The following EYS variants were observed in gnomAD, a reference collection of about 807,000 sequenced individuals.
EYS encodes protein eyes shut homolog.
Under a neutral mutation model 282.1 loss-of-function variants are expected in EYS, and 250 were observed. That is an observed-to-expected ratio of 0.89 (90% CI 0.80 to 0.98). The LOEUF (loss-of-function observed/expected upper bound fraction) is 0.98, where lower values mean the gene tolerates loss of function less well. Among genes scored for constraint, EYS ranks in the 50% least tolerant of loss-of-function variants. The pLI is 0.00. For synonymous variants in EYS, 1,355 were observed against 1,282.9 expected (o/e 1.06, Z -1.20); for missense variants, 4,016 against 3,709.0 (o/e 1.08, Z -2.15).
At chr6:64,415,521 C>G (rs117720772) in intron 28 of EYS, among the ~76,000 whole-genome samples, 1 of 152,314 alleles carries the variant, frequency 6.6e-6, no homozygotes, top group East Asian at 1.9e-4. Context: ...GAACATCAAG[C>G]ATGCTCTGCC....
chr6:64,385,859 T>C (rs187492585), intron 29 of EYS, among the ~76,000 whole-genome samples: 15 of 152,348 alleles, frequency 9.8e-5, no homozygotes, highest in Non-Finnish European at 2.2e-4. Context: ...CAACAGATGC[T>C]TCTTTTTCCA....
chr6:65,660,268 T>C (rs970093333), intron 1 of EYS, among the ~76,000 whole-genome samples: 2 of 151,804 alleles, frequency 1.3e-5, no homozygotes, highest in African/African-American at 4.8e-5. Flanking sequence ...GTTTTAAGTA[T>C]GAATCCATAA....
chr6:65,504,426 G>C (rs917134990), intron 2 of EYS, among the ~76,000 whole-genome samples: 1 of 151,540 alleles, frequency 6.6e-6, no homozygotes, highest in Non-Finnish European at 1.5e-5. Context: ...GTACTAGCTA[G>C]AATTTCCTAG....
intron 8 of EYS, among the ~76,000 whole-genome samples, chr6:65,367,827 A>G (rs1391397678): frequency 3.3e-5 from 5 of 151,748 alleles, no homozygotes; most frequent in South Asian, 2.1e-4. Flanking sequence ...TGGATTTATA[A>G]AGTACTTCTC....
At chr6:64,706,586 C>G (rs984034120) in intron 22 of EYS, among the ~76,000 whole-genome samples, 1 of 151,884 alleles carries the variant, frequency 6.6e-6, no homozygotes, top group African/African-American at 2.4e-5. Context: ...AATATTCAGA[C>G]TCTACAAGCA....
At chr6:63,753,893 T>C (rs973796395) in intron 41 of EYS, among the ~76,000 whole-genome samples, 4 of 152,208 alleles carry the variant, frequency 2.6e-5, no homozygotes, top group Non-Finnish European at 4.4e-5. Context: ...TCTGAAGTGG[T>C]TCTCACCTTA....
At chr6:64,948,607 A>T (rs1007841731) in intron 14 of EYS, among the ~76,000 whole-genome samples, 3 of 147,158 alleles carry the variant, frequency 2.0e-5, no homozygotes, top group African/African-American at 4.9e-5. Flanking sequence ...ATATTAAATA[A>T]TATTAAATAA....
intron 26 of EYS, among the ~76,000 whole-genome samples, chr6:64,518,786 C>CCCG (rs201101605): frequency 4.0e-5 from 6 of 150,628 alleles, no homozygotes; most frequent in East Asian, 4.0e-4. Context: ...AGGGGCCCCC[C>CCCG]CCTTCTCAGG....
intron 14 of EYS, among the ~76,000 whole-genome samples, chr6:64,946,509 AAC>A (rs1769293197): frequency 6.6e-6 from 1 of 152,002 alleles, no homozygotes; most frequent in South Asian, 2.1e-4. Flanking sequence ...AAACAAAAGA[AAC>A]ACTTTAAATT....
rs141682406 is a variant in EYS at position 64,803,480 on chromosome 6, A to T, written c.3443+9898T>A. On this transcript the variant is annotated intron_variant, in intron 22 of 42. Transcript: ENST00000503581. The stretch of plus-strand genomic sequence containing the variant: ...CCATGAGTTCTAAATCCCAAAGTAG[A>T]CTCCACCTGGAACTGACAGCCTGGC... Among the ~76,000 whole-genome samples, 489 of 151,362 alleles carry T rather than the reference A, an allele frequency of 3.2e-3. 3 individuals carry two copies. The highest frequency in any genetic ancestry group is 0.011 in the African/African-American group (455 of 41,242).
At chr6:65,049,623 A>G (rs187796424) in intron 13 of EYS, among the ~76,000 whole-genome samples, 65 of 151,810 alleles carry the variant, frequency 4.3e-4, no homozygotes, top group Middle Eastern at 3.4e-3. Flanking sequence ...TTTAGAAAAC[A>G]ATAGCGTTGT....
intron 13 of EYS, among the ~76,000 whole-genome samples, chr6:65,052,941 A>G (rs937343596): frequency 5.3e-5 from 8 of 151,764 alleles, no homozygotes; most frequent in Non-Finnish European, 1.0e-4. Context: ...AAAATGAAGA[A>G]AAAAGATTCT....
intron 1 of EYS, among the ~76,000 whole-genome samples, chr6:65,641,199 G>T (rs1393057936): frequency 6.6e-6 from 1 of 152,192 alleles, no homozygotes; most frequent in African/African-American, 2.4e-5. Flanking sequence ...ACCTCTGTTG[G>T]TTGTTTTGGT....
At chr6:64,483,934 C>CTTTT (rs1364027811) in intron 26 of EYS, among the ~76,000 whole-genome samples, 1 of 151,578 alleles carries the variant, frequency 6.6e-6, no homozygotes, top group Non-Finnish European at 1.5e-5. Context: ...TTTTCAGAGG[C>CTTTT]TTTTTACGAA....
intron 1 of EYS, among the ~76,000 whole-genome samples, chr6:65,673,511 C>T (rs1213579039): frequency 1.3e-5 from 2 of 152,068 alleles, no homozygotes; most frequent in East Asian, 1.9e-4. Flanking sequence ...AGGACATACA[C>T]TTAGAGAGTG....
At chr6:63,908,526 C>T (rs1450357312) in intron 35 of EYS, among the ~76,000 whole-genome samples, 1 of 152,090 alleles carries the variant, frequency 6.6e-6, no homozygotes, top group Non-Finnish European at 1.5e-5. Flanking sequence ...TCTTGGCTCA[C>T]TGCAACCTCC....
chr6:65,112,100 C>G (rs713212), intron 12 of EYS, among the ~76,000 whole-genome samples: 29,385 of 152,002 alleles, frequency 0.19, 3,374 homozygotes, highest in South Asian at 0.27. Context: ...AACTTGCTTT[C>G]CATCATAGCA....
intron 29 of EYS, among the ~76,000 whole-genome samples, chr6:64,376,421 AAAT>A (rs1772562284): frequency 6.6e-6 from 1 of 152,228 alleles, no homozygotes; most frequent in Non-Finnish European, 1.5e-5. Context: ...GACTGGGGAA[AAAT>A]CAGTGTTAGC....
chr6:65,536,866 C>A (rs564233011), intron 2 of EYS, among the ~76,000 whole-genome samples: 3 of 152,014 alleles, frequency 2.0e-5, no homozygotes, highest in Admixed American at 6.6e-5. Context: ...ATCCAAGGCA[C>A]CCAAAATAAA....
Sources: allele counts gnomAD v4.1 joint callset (sites outside exome capture counted in the v4.1 genomes callset), GRCh38; gene constraint gnomAD v4.1.1; transcripts MANE v1.5; gene names NCBI Gene and HGNC (gene_info 2026-07-23, HGNC 2026-07-21).